Variants in ABL1 observed in about 807,000 individuals in gnomAD.
The protein encoded by ABL1 is ABL proto-oncogene 1, non-receptor tyrosine kinase, also known as tyrosine-protein kinase ABL1.
In ABL1, 11 loss-of-function variants were observed where a neutral mutation model predicts 94.7. The observed-to-expected ratio is 0.12, with a 90% CI of 0.07 to 0.19. The LOEUF (loss-of-function observed/expected upper bound fraction) is 0.19, where lower values mean the gene tolerates loss of function less well. ABL1 is among the 10% of genes least tolerant of loss of function. The pLI, the probability that ABL1 is intolerant of heterozygous loss-of-function variation, is 1.00. For missense variants in ABL1, 1,082 were observed against 1,489.4 expected, an observed-to-expected ratio of 0.73 and a Z score of 4.50; for synonymous variants, 656 against 622.4, an observed-to-expected ratio of 1.05 and a Z score of -0.80.
chr9:130,886,245 C>T lies in ABL1; in HGVS notation c.*562C>T, dbSNP rs1425924867. On this transcript the variant is annotated 3_prime_UTR_variant, in exon 11 of 11. Coordinates refer to ENST00000318560, the MANE Select transcript of ABL1 (RefSeq NM_005157.6). ...GCATGCACACGGCTGGTCACTCTGC[C>T]CTCTGCTGCTGCCCGGGGTGGGGTG... 8.5e-6 allele frequency: 2 copies of T among 235,848 alleles called. No individual in the cohort carries two copies. The highest frequency in any genetic ancestry group is 6.0e-5 in the East Asian group (1 of 16,614). The allele number at this position is 235,848 out of a possible 1,614,324, so 14.6% of individuals were successfully genotyped here.
chr9:130,816,071 T>G (rs954648995), intron 1 of ABL1, among the ~76,000 whole-genome samples: 3 of 152,110 alleles, frequency 2.0e-5, no homozygotes, highest in African/African-American at 7.2e-5. Flanking sequence ...CAGTCACCTG[T>G]GAGGCTTCAC....
chr9:130,876,474 G>A (rs1831345814), intron 7 of ABL1, among the ~76,000 whole-genome samples: 1 of 150,818 alleles, frequency 6.6e-6, no homozygotes, highest in Non-Finnish European at 1.5e-5. Flanking sequence ...CTGGAGTTCA[G>A]TAGCATGATC....
chr9:130,766,117 T>C (rs1179284867), intron 1 of ABL1, among the ~76,000 whole-genome samples: 5 of 152,196 alleles, frequency 3.3e-5, no homozygotes, highest in Non-Finnish European at 4.4e-5. Context: ...CAGGAGCTTG[T>C]GACTGTGAGG....
At chr9:130,859,880 C>T (rs1002468680) in intron 3 of ABL1, among the ~76,000 whole-genome samples, 3 of 151,754 alleles carry the variant, frequency 2.0e-5, no homozygotes, top group Non-Finnish European at 1.5e-5. Flanking sequence ...GGGGTTTCAC[C>T]ATGTTGGCCA....
chr9:130,852,680 A>G (rs924928682), intron 1 of ABL1, among the ~76,000 whole-genome samples: 3 of 150,924 alleles, frequency 2.0e-5, no homozygotes, highest in African/African-American at 7.3e-5. Flanking sequence ...GCCCTGTTCA[A>G]AAAAAAAAGG....
At chr9:130,845,369 T>C (rs1183035180) in intron 1 of ABL1, among the ~76,000 whole-genome samples, 1 of 150,564 alleles carries the variant, frequency 6.6e-6, no homozygotes, top group African/African-American at 2.4e-5. Context: ...TTAGACAGAG[T>C]CGAGCTCTGT....
intron 7 of ABL1, among the ~76,000 whole-genome samples, chr9:130,875,462 T>A (rs2133005715): frequency 6.8e-6 from 1 of 148,148 alleles, no homozygotes; most frequent in East Asian, 2.0e-4. Flanking sequence ...TTTTTTTTTT[T>A]AACTGTGTAT....
chr9:130,855,132 A>C, intron 3 of ABL1, 36 bp downstream of exon 3: 1 of 1,568,774 alleles, frequency 6.4e-7, no homozygotes, highest in Non-Finnish European at 8.7e-7. Context: ...TGATGGGCCC[A>C]GGGCAGGGGA....
At chr9:130,719,400 G>A (rs7861224) in intron 1 of ABL1, among the ~76,000 whole-genome samples, 49,134 of 151,866 alleles carry the variant, frequency 0.32, 11,595 homozygotes, top group African/African-American at 0.65. Flanking sequence ...GTGGTTGCAG[G>A]TGCCTGTAGT....
chr9:130,728,248 T>TTTTTTTTTTG (rs1554757228), intron 1 of ABL1, among the ~76,000 whole-genome samples: 1 of 148,626 alleles, frequency 6.7e-6, no homozygotes, highest in African/African-American at 2.5e-5. Flanking sequence ...TTTTTTTTTT[T>TTTTTTTTTTG]GTGGAGACGG....
At chr9:130,743,279 G>T (rs1341042634) in intron 1 of ABL1, among the ~76,000 whole-genome samples, 1 of 152,142 alleles carries the variant, frequency 6.6e-6, no homozygotes, top group African/African-American at 2.4e-5. Context: ...TGCCGTGTTA[G>T]CCAGGCTGGA....
intron 1 of ABL1, among the ~76,000 whole-genome samples, chr9:130,753,422 CTTTTTTT>C (rs71389347): frequency 3.3e-5 from 3 of 90,328 alleles, no homozygotes; most frequent in Non-Finnish European, 5.9e-5. Flanking sequence ...TTTTTCTTTT[CTTTTTTT>C]TTTTTTTTTT....
In ABL1 at chr9:130,751,129, C is replaced by CTTTTTTTTTTTTTTTTTTTTTT. The variant is rs60206110; in HGVS notation, c.136+36683_136+36704dup. Among the ~76,000 whole-genome samples, 5 of 57,482 alleles carry CTTTTTTTTTTTTTTTTTTTTTT rather than the reference C, an allele frequency of 8.7e-5. 1 individual carries two copies. Among genetic ancestry groups the CTTTTTTTTTTTTTTTTTTTTTT allele is most frequent in the African/African-American group, 1.6e-4 (2 of 12,588 alleles). The allele number at this position is 57,482 out of a possible 152,430, so 37.7% of individuals were successfully genotyped here. A position where few individuals can be genotyped will look rare whatever the true frequency, so the allele number is the denominator to read the frequency against. On this transcript the variant is annotated intron_variant, in intron 1 of 10. Transcript: ENST00000372348. ...TTTGAAACTTGTTTTTTTTATTCAGCTTTTTTTTTTTTTTTTTTTTTTTTT... is the reference window on the plus strand; with the variant it reads ...TTTGAAACTTGTTTTTTTTATTCAGCTTTTTTTTTTTTTTTTTTTTTTTTTTTTTTTTTTTTTTTTTTTTTTT...
intron 1 of ABL1, among the ~76,000 whole-genome samples, chr9:130,749,576 A>G (rs1045734732): frequency 2.0e-5 from 3 of 152,168 alleles, no homozygotes; most frequent in Non-Finnish European, 4.4e-5. Context: ...ATTTGCTTCT[A>G]GCTCATATCC....
At chr9:130,813,672 A>G (rs1025232946) in intron 1 of ABL1, among the ~76,000 whole-genome samples, 1 of 152,190 alleles carries the variant, frequency 6.6e-6, no homozygotes, top group Non-Finnish European at 1.5e-5. Context: ...TTTGGAAAAT[A>G]ACATAATTTT....
chr9:130,803,819 T>C (rs1230778450), intron 1 of ABL1, among the ~76,000 whole-genome samples: 1 of 152,198 alleles, frequency 6.6e-6, no homozygotes, highest in African/African-American at 2.4e-5. Context: ...ACTCAGTTTA[T>C]TATCAGCTAA....
At chr9:130,832,861 G>A (rs1271318192), upstream of ABL1, among the ~76,000 whole-genome samples, 7 of 152,056 alleles carry the variant, frequency 4.6e-5, no homozygotes, top group East Asian at 1.9e-4. Context: ...TTTCAAAAGC[G>A]TCAAAAGCTG....
intron 1 of ABL1, among the ~76,000 whole-genome samples, chr9:130,805,568 A>G (rs1830115138): frequency 6.6e-6 from 1 of 152,224 alleles, no homozygotes; most frequent in Admixed American, 6.5e-5. Flanking sequence ...AGAAAAGAGA[A>G]AAAGTAGGAG....
intron 1 of ABL1, among the ~76,000 whole-genome samples, chr9:130,767,381 C>G (rs1832196799): frequency 6.6e-6 from 1 of 151,104 alleles, no homozygotes; most frequent in South Asian, 2.1e-4. Context: ...GTTGTCCAGG[C>G]TGGACTGCAG....
Sources: allele counts gnomAD v4.1 joint callset (sites outside exome capture counted in the v4.1 genomes callset), GRCh38; gene constraint gnomAD v4.1.1; transcripts MANE v1.5; gene names NCBI Gene and HGNC (gene_info 2026-07-23, HGNC 2026-07-21).